PPM1B: variants seen among roughly 807,000 people sequenced by gnomAD.
PPM1B encodes protein phosphatase, Mg2+/Mn2+ dependent 1B.
Under a neutral mutation model 43.0 loss-of-function variants are expected in PPM1B, and 22 were observed. That is an observed-to-expected ratio of 0.51 (90% CI 0.37 to 0.73). The LOEUF (loss-of-function observed/expected upper bound fraction) is 0.73. PPM1B is among the 30% of genes least tolerant of loss of function. The probability of loss-of-function intolerance (pLI) is 0.00; values close to 1 mark genes in which losing one functional copy is unlikely to be tolerated. For synonymous variants in PPM1B, 217 were observed against 197.9 expected, an observed-to-expected ratio of 1.10 and a Z score of -0.81; for missense variants, 632 against 584.2, an observed-to-expected ratio of 1.08 and a Z score of -0.84.
rs397984437 is a variant in PPM1B at position 44,241,857 on chromosome 2, C to CTTTTTTTTTTTTTT, written n.1547-2365_1547-2352dup. Among the ~76,000 whole-genome samples the CTTTTTTTTTTTTTT allele has an allele frequency of 8.1e-4, 74 of 90,952 alleles. 13 individuals are homozygous for CTTTTTTTTTTTTTT. Among genetic ancestry groups the CTTTTTTTTTTTTTT allele is most frequent in the African/African-American group, 2.1e-3 (47 of 21,998 alleles). The allele number at this position is 90,952 out of a possible 152,430, so 59.7% of individuals were successfully genotyped here. ...GTTATAATAAGTATTAGAAAATAATCTTTTTTTTTTTTTTTTTTTGAGACG... is the reference window on the plus strand; with the variant it reads ...GTTATAATAAGTATTAGAAAATAATCTTTTTTTTTTTTTTTTTTTTTTTTTTTTTTTTTGAGACG... On this transcript the variant is annotated intron_variant and non_coding_transcript_variant, in intron 5 of 5. Transcript: ENST00000378540.
At position 44,230,421 on chromosome 2, in the gene PPM1B, T is replaced by G; in HGVS notation, c.1143T>G (p.Asp381Glu). Residue 381 changes from aspartate (D) to glutamate (E), a missense_variant, in exon 6 of 6, where the codon GAT becomes GAG. This residue lies in a region of PPM1B where 392 missense variants were observed against 302.7 expected (regional missense o/e 1.29). Transcript: ENST00000282412. ...TTGAATCTTAAAAAAAGGCCTCCGA[T>G]GAAGCAGAGGAAAGTGGATCACAGG... is the stretch of plus-strand genomic sequence containing the variant. ...NPHRESDGAS[D>E]EAEESGSQGK... The G allele has an allele frequency of 6.2e-7, 1 of 1,613,626 alleles. No individual in the cohort carries two copies. Among genetic ancestry groups the G allele is most frequent in the Non-Finnish European group, 8.5e-7 (1 of 1,179,658 alleles).
chr2:44,228,729 GTC>G (rs1670335744), intron 5 of PPM1B, among the ~76,000 whole-genome samples: 2 of 152,052 alleles, frequency 1.3e-5, no homozygotes, highest in African/African-American at 4.8e-5. Context: ...GCTGTATATT[GTC>G]TCTCTAGATT....
chr2:44,179,907 G>T (rs112081219), intron 1 of PPM1B, among the ~76,000 whole-genome samples: 21,738 of 151,394 alleles, frequency 0.14, 1,741 homozygotes, highest in South Asian at 0.24. Context: ...TACTCAGGAG[G>T]CTGAGGCAGG....
At chr2:44,225,687 C>T (rs954577319) in intron 5 of PPM1B, among the ~76,000 whole-genome samples, 2 of 152,114 alleles carry the variant, frequency 1.3e-5, no homozygotes, top group Non-Finnish European at 2.9e-5. Context: ...GACGGAGTCT[C>T]ACCCTGTCAC....
At chr2:44,232,988 TG>T (rs2104282786), downstream of PPM1B, 1 of 980,788 alleles carries the variant, frequency 1.0e-6, no homozygotes, top group Non-Finnish European at 1.2e-6. Flanking sequence ...ACAAATTTTA[TG>T]CATGTATCTA....
At chr2:44,205,702 G>T (rs1393829986) in intron 2 of PPM1B, among the ~76,000 whole-genome samples, 1 of 151,154 alleles carries the variant, frequency 6.6e-6, no homozygotes, top group Admixed American at 6.6e-5. Context: ...TATAAAAGTC[G>T]GTATTCTTTT....
chr2:44,178,506 C>T (rs1316941506), intron 1 of PPM1B, among the ~76,000 whole-genome samples: 2 of 146,572 alleles, frequency 1.4e-5, no homozygotes. Context: ...TCGCTCTTGT[C>T]ACCCAGGCTG....
downstream of PPM1B, among the ~76,000 whole-genome samples, chr2:44,239,090 C>G (rs1274227692): frequency 1.3e-5 from 2 of 149,638 alleles, no homozygotes; most frequent in Non-Finnish European, 3.0e-5. Context: ...AGGAGGATCC[C>G]TTAAGCCCAG....
intron 2 of PPM1B, 55 bp from the exon 3 acceptor site, chr2:44,209,155 A>G (rs536281444): frequency 2.0e-4 from 280 of 1,410,602 alleles, no homozygotes; most frequent in South Asian, 1.8e-3. Flanking sequence ...TTTGAAGTAA[A>G]TAATAGTTGA....
In PPM1B at chr2:44,230,855, A is replaced by T. The variant is rs1476373792; in HGVS notation, c.*137A>T. 3 of 1,422,942 alleles carry T rather than the reference A, an allele frequency of 2.1e-6. No homozygotes were observed. Among genetic ancestry groups the T allele is most frequent in the Non-Finnish European group, 2.8e-6 (3 of 1,082,416 alleles). The allele number at this position is 1,422,942 out of a possible 1,614,324, so 88.1% of individuals were successfully genotyped here. A position where few individuals can be genotyped will look rare whatever the true frequency, so the allele number is the denominator to read the frequency against. ...TTATATTCAGATAGCCTTGTTTTTT[A>T]AAAAGGCCTTTGCATACACCTTTAT... On this transcript the variant is annotated 3_prime_UTR_variant, in exon 6 of 6. Transcript: ENST00000282412.
intron 1 of PPM1B, among the ~76,000 whole-genome samples, chr2:44,178,642 T>C (rs1667711538): frequency 6.6e-6 from 1 of 151,790 alleles, no homozygotes; most frequent in African/African-American, 2.4e-5. Flanking sequence ...CTAATTTTTT[T>C]GTATTTTTAG....
chr2:44,229,969 G>GTT (rs1553337539), intron 5 of PPM1B: 1 of 1,543,732 alleles, frequency 6.5e-7, no homozygotes, highest in Non-Finnish European at 8.8e-7. Context: ...ATAGTTTTAT[G>GTT]TTTTGTATTT....
intron 1 of PPM1B, among the ~76,000 whole-genome samples, chr2:44,187,747 G>A (rs907572867): frequency 6.6e-6 from 1 of 152,032 alleles, no homozygotes; most frequent in Non-Finnish European, 1.5e-5. Context: ...CCTCTGTGAT[G>A]TTCACCTTTA....
chr2:44,175,578 G>T (rs1473536408), intron 1 of PPM1B, among the ~76,000 whole-genome samples: 1 of 152,132 alleles, frequency 6.6e-6, no homozygotes, highest in Non-Finnish European at 1.5e-5. Flanking sequence ...TTACATTACA[G>T]CTGAACTCCT....
intron 1 of PPM1B, among the ~76,000 whole-genome samples, chr2:44,185,377 G>T (rs895745746): frequency 6.6e-6 from 1 of 152,088 alleles, no homozygotes; most frequent in African/African-American, 2.4e-5. Context: ...CTTTTCATAG[G>T]TCTGCATGTA....
At chr2:44,203,390 T>A (rs1669027529) in intron 2 of PPM1B, among the ~76,000 whole-genome samples, 1 of 152,126 alleles carries the variant, frequency 6.6e-6, no homozygotes, top group African/African-American at 2.4e-5. Context: ...AATGAAGCAA[T>A]TCTGACCTGT....
chr2:44,229,947 G>C (rs1351672911), intron 5 of PPM1B: 2 of 1,460,372 alleles, frequency 1.4e-6, no homozygotes, highest in East Asian at 2.4e-5. Context: ...TCAAAAATCT[G>C]TTTAAATCTA....
At chr2:44,220,657 C>T (rs1235433155) in intron 5 of PPM1B, among the ~76,000 whole-genome samples, 2 of 152,200 alleles carry the variant, frequency 1.3e-5, no homozygotes, top group Non-Finnish European at 2.9e-5. Flanking sequence ...GCAGCTTACA[C>T]TGTAGTTATA....
At position 44,204,535 on chromosome 2, in the gene PPM1B, G is replaced by T. The variant is rs77946913; in HGVS notation, c.846+2490G>T. Among the ~76,000 whole-genome samples, 575 of 152,042 alleles carry T rather than the reference G, an allele frequency of 3.8e-3. 3 individuals carry two copies. The highest frequency in any genetic ancestry group is 0.013 in the African/African-American group (555 of 41,454). On this transcript the variant is annotated intron_variant, in intron 2 of 5. Transcript: ENST00000282412. ...GGAGGTTATCATAATCATAATCGTG[G>T]TAGTATTAGTAAATTATTGCTTTCT...
Sources: allele counts gnomAD v4.1 joint callset (sites outside exome capture counted in the v4.1 genomes callset), GRCh38; gene constraint gnomAD v4.1.1; regional missense constraint gnomAD v4.1.1; transcripts MANE v1.5; gene names NCBI Gene and HGNC (gene_info 2026-07-23, HGNC 2026-07-21).